Variants in IPO11 observed in about 807,000 individuals in gnomAD.
The protein encoded by IPO11 is importin 11.
IPO11 carries 66 observed loss-of-function variants against 143.2 expected under a neutral mutation model. That is an observed-to-expected ratio of 0.46 (90% CI 0.38 to 0.57). IPO11 has a LOEUF of 0.57. Among genes scored for constraint, IPO11 ranks in the 20% least tolerant of loss-of-function variants. The probability of loss-of-function intolerance (pLI) is 0.00; values close to 1 mark genes in which losing one functional copy is unlikely to be tolerated. For missense variants in IPO11, 1,026 were observed against 1,141.0 expected, an observed-to-expected ratio of 0.90 and a Z score of 1.45; for synonymous variants, 385 against 377.8, an observed-to-expected ratio of 1.02 and a Z score of -0.22.
intron 29 of IPO11, among the ~76,000 whole-genome samples, chr5:62,604,795 AC>A (rs1257440376): frequency 1.3e-5 from 2 of 152,154 alleles, no homozygotes; most frequent in African/African-American, 4.8e-5. Flanking sequence ...TGCTGAGGAT[AC>A]CACAGCAGTT....
chr5:62,486,950 C>G (rs2112230419), intron 12 of IPO11, among the ~76,000 whole-genome samples: 1 of 152,062 alleles, frequency 6.6e-6, no homozygotes, highest in South Asian at 2.1e-4. Context: ...AAACACCACA[C>G]AATACCTTAA....
intron 16 of IPO11, among the ~76,000 whole-genome samples, chr5:62,496,285 CAAAAAAAAAAAG>C (rs1159001982): frequency 4.8e-5 from 5 of 105,230 alleles, no homozygotes; most frequent in Non-Finnish European, 9.8e-5. Flanking sequence ...GACTGTGTCT[CAAAAAAAAAAAG>C]AAAAAAAAAA....
chr5:62,457,534 G>T (rs1231354239), intron 5 of IPO11, among the ~76,000 whole-genome samples: 1 of 152,152 alleles, frequency 6.6e-6, no homozygotes, highest in Non-Finnish European at 1.5e-5. Context: ...GATGGTAAGG[G>T]TAAAAGAATG....
chr5:62,420,723 G>A (rs984031568), intron 1 of IPO11, among the ~76,000 whole-genome samples: 1 of 152,058 alleles, frequency 6.6e-6, no homozygotes, highest in African/African-American at 2.4e-5. Flanking sequence ...GGGACTACAG[G>A]TGTGCCCCAC....
chr5:62,464,527 TG>T (rs1291941825), intron 5 of IPO11, among the ~76,000 whole-genome samples: 3 of 152,002 alleles, frequency 2.0e-5, no homozygotes, highest in African/African-American at 4.8e-5. Flanking sequence ...TGGAGTGCAG[TG>T]GTGTGATCTC....
chr5:62,487,031 A>T (rs1364271714), intron 12 of IPO11, among the ~76,000 whole-genome samples: 4 of 152,156 alleles, frequency 2.6e-5, no homozygotes, highest in Non-Finnish European at 4.4e-5. Flanking sequence ...TTTAAATAAA[A>T]AATTATTTTA....
intron 29 of IPO11, among the ~76,000 whole-genome samples, chr5:62,614,603 G>A (rs916019850): frequency 1.3e-5 from 2 of 152,182 alleles, no homozygotes; most frequent in African/African-American, 4.8e-5. Context: ...ATGGGAGGGT[G>A]AGCATGCAGA....
intron 23 of IPO11, 94 bp from the exon 24 acceptor site, chr5:62,537,115 T>C: frequency 2.7e-6 from 2 of 753,424 alleles, no homozygotes; most frequent in East Asian, 2.5e-5. Flanking sequence ...TGTATAATTC[T>C]CAAGTATATT....
At chr5:62,567,309 A>G (rs972939618) in intron 27 of IPO11, among the ~76,000 whole-genome samples, 1 of 151,808 alleles carries the variant, frequency 6.6e-6, no homozygotes, top group Non-Finnish European at 1.5e-5. Flanking sequence ...TTTATATGTT[A>G]CTGGTTTTAT....
chr5:62,539,767 T>A (rs1023370593), intron 24 of IPO11, among the ~76,000 whole-genome samples: 1 of 152,246 alleles, frequency 6.6e-6, no homozygotes, highest in Non-Finnish European at 1.5e-5. Flanking sequence ...TTTTATTGCA[T>A]TTATGCCTTT....
chr5:62,600,693 T>C (rs1745475216), intron 28 of IPO11, among the ~76,000 whole-genome samples: 1 of 149,970 alleles, frequency 6.7e-6, no homozygotes, highest in Non-Finnish European at 1.5e-5. Context: ...TATTATATCA[T>C]GGCAGACAAA....
intron 1 of IPO11, chr5:62,413,436 A>C (rs1331030557): frequency 1.3e-5 from 2 of 152,192 alleles, no homozygotes; most frequent in Admixed American, 6.5e-5. Context: ...GAGGAGCTTC[A>C]TGGAGAGGTA....
chr5:62,451,703 TC>T, intron 4 of IPO11, 26 bp from the exon 5 acceptor site: 2 of 1,582,224 alleles, frequency 1.3e-6, no homozygotes, highest in Non-Finnish European at 1.7e-6. Context: ...TTGCCTTGAT[TC>T]CATTTGTTTA....
At chr5:62,543,664 GT>G (rs1437702203) in intron 24 of IPO11, among the ~76,000 whole-genome samples, 4 of 151,700 alleles carry the variant, frequency 2.6e-5, no homozygotes, top group Admixed American at 6.6e-5. Context: ...TTTTTGAAGG[GT>G]TTTTTGTGTC....
chr5:62,445,857 T>G (rs1744702254), intron 3 of IPO11, among the ~76,000 whole-genome samples: 1 of 152,074 alleles, frequency 6.6e-6, no homozygotes, highest in African/African-American at 2.4e-5. Context: ...TCATCTGTAT[T>G]TTTTTTGCAT....
chr5:62,513,986 A>G (rs1391462486), intron 19 of IPO11, among the ~76,000 whole-genome samples: 1 of 141,772 alleles, frequency 7.1e-6, no homozygotes, highest in African/African-American at 2.7e-5. Context: ...CCCACATCTC[A>G]GACGATGGGC....
intron 27 of IPO11, among the ~76,000 whole-genome samples, chr5:62,568,111 G>T (rs1744016848): frequency 6.6e-6 from 1 of 151,532 alleles, no homozygotes; most frequent in South Asian, 2.1e-4. Context: ...GACTACAGGT[G>T]CATACCACCA....
rs1426776753 is a variant in IPO11, at chr5:62,474,533, AT to A, written c.757+70del. 20 of 1,061,366 alleles carry A rather than the reference AT, an allele frequency of 1.9e-5. No homozygotes were observed. The Admixed American group carries it at 4.7e-4, about 25-fold the overall frequency. 65.7% of individuals were successfully genotyped at this position (1,061,366 alleles called of 1,614,324 possible). A position where few individuals can be genotyped will look rare whatever the true frequency, so the allele number is the denominator to read the frequency against. Reference sequence around the variant, plus strand: ...TCATTAGTAGCTTATTCATTCATTAATAGCTAGGATTAATGAGGGATTAATA... The same window carrying A: ...TCATTAGTAGCTTATTCATTCATTAAAGCTAGGATTAATGAGGGATTAATA... On this transcript the variant is annotated intron_variant, in intron 8 of 29. Transcript: ENST00000325324.
At chr5:62,502,728 G>A (rs532320311) in intron 16 of IPO11, among the ~76,000 whole-genome samples, 103 of 152,194 alleles carry the variant, frequency 6.8e-4, no homozygotes, top group African/African-American at 2.4e-3. Flanking sequence ...TAGAATAAAT[G>A]GTCCTTTCGT....
Sources: gnomAD v4.1 joint callset for allele counts (sites outside exome capture counted in the v4.1 genomes callset) on GRCh38, gnomAD v4.1.1 for gene constraint, MANE v1.5 for transcripts, NCBI Gene and HGNC (gene_info 2026-07-23, HGNC 2026-07-21) for gene names.